UEVLD: variants seen among roughly 807,000 people sequenced by gnomAD.
UEVLD encodes ubiquitin-conjugating enzyme E2 variant 3.
Under a neutral mutation model 58.6 loss-of-function variants are expected in UEVLD, and 47 were observed. That is an observed-to-expected ratio of 0.80 (90% CI 0.63 to 1.02). The LOEUF is 1.02. Ranked by LOEUF, UEVLD falls within the 50% of genes least tolerant of loss-of-function variation. UEVLD has a pLI of 0.00. For synonymous variants in UEVLD, 197 were observed against 195.3 expected (o/e 1.01, Z -0.07); for missense variants, 510 against 550.6 (o/e 0.93, Z 0.74).
At chr11:18,576,419 G>A (rs186276175) in intron 2 of UEVLD, among the ~76,000 whole-genome samples, 22 of 152,070 alleles carry the variant, frequency 1.4e-4, no homozygotes, top group Admixed American at 5.3e-4. Flanking sequence ...CCAGCTGCTC[G>A]GGAGGCTGAG....
intron 7 of UEVLD, among the ~76,000 whole-genome samples, chr11:18,551,591 G>A (rs996505262): frequency 4.6e-5 from 7 of 152,112 alleles, no homozygotes; most frequent in African/African-American, 1.7e-4. Flanking sequence ...GTAGTACAAG[G>A]GTTAGTAAGG....
intron 9 of UEVLD, among the ~76,000 whole-genome samples, chr11:18,543,198 G>A (rs1222627137): frequency 1.3e-5 from 2 of 152,076 alleles, no homozygotes; most frequent in African/African-American, 4.8e-5. Context: ...GCCCAGAGAG[G>A]TTATTTTCTA....
intron 9 of UEVLD, among the ~76,000 whole-genome samples, chr11:18,538,305 G>C (rs1042286634): frequency 6.8e-6 from 1 of 147,862 alleles, no homozygotes; most frequent in Non-Finnish European, 1.5e-5. Flanking sequence ...TGGAGACGGA[G>C]TCTCACTGTG....
chr11:18,585,330 T>C (rs1853491966), intron 1 of UEVLD, among the ~76,000 whole-genome samples: 1 of 152,254 alleles, frequency 6.6e-6, no homozygotes, highest in Non-Finnish European at 1.5e-5. Flanking sequence ...AAGTTGTCTT[T>C]TACATTTAGG....
chr11:18,567,233 G>T (rs1261058101), intron 4 of UEVLD, among the ~76,000 whole-genome samples: 4 of 152,186 alleles, frequency 2.6e-5, no homozygotes, highest in African/African-American at 9.7e-5. Flanking sequence ...CAACCTTGAT[G>T]AAATTCACTA....
intron 6 of UEVLD, among the ~76,000 whole-genome samples, chr11:18,560,090 TACACACACACAC>T (rs71050609): frequency 1.6e-4 from 12 of 76,184 alleles, no homozygotes; most frequent in South Asian, 1.1e-3. Flanking sequence ...ACCCCGTCTC[TACACACACACAC>T]ACACACACAC....
At chr11:18,532,565 TTTC>T in intron 11 of UEVLD, 78 bp from the exon 12 acceptor site, 1 of 1,225,266 alleles carries the variant, frequency 8.2e-7, no homozygotes, top group Admixed American at 3.1e-5. Flanking sequence ...ACTTTCTTGC[TTTC>T]TTAACTAGGA....
chr11:18,579,187 C>T (rs1423227590), intron 1 of UEVLD, among the ~76,000 whole-genome samples: 2 of 152,010 alleles, frequency 1.3e-5, no homozygotes, highest in African/African-American at 4.8e-5. Context: ...ATTTAACTGA[C>T]AATTTACGGT....
chr11:18,544,876 T>A, intron 8 of UEVLD, 80 bp from the exon 9 acceptor site: 2 of 1,096,208 alleles, frequency 1.8e-6, no homozygotes, highest in Non-Finnish European at 2.5e-6. Context: ...ATTTATTATT[T>A]TAATAAGTAT....
intron 7 of UEVLD, among the ~76,000 whole-genome samples, chr11:18,552,958 A>C (rs563372942): frequency 1.3e-5 from 2 of 151,546 alleles, no homozygotes; most frequent in Non-Finnish European, 2.9e-5. Context: ...GATCGAGACC[A>C]TCCTGGCTAA....
chr11:18,566,277 A>G, intron 5 of UEVLD, 70 bp downstream of exon 5: 1 of 1,579,272 alleles, frequency 6.3e-7, no homozygotes, highest in African/African-American at 1.4e-5. Flanking sequence ...AGTGGCAGAA[A>G]GTAAAGGAGT....
At chr11:18,585,788 C>T (rs1043046907) in intron 1 of UEVLD, among the ~76,000 whole-genome samples, 8 of 152,030 alleles carry the variant, frequency 5.3e-5, no homozygotes, top group African/African-American at 1.7e-4. Flanking sequence ...CAGGTGCCCA[C>T]CACCATGCCC....
chr11:18,565,115 T>C (rs1353563982), intron 5 of UEVLD, 105 bp from the exon 6 acceptor site: 27 of 809,468 alleles, frequency 3.3e-5, no homozygotes, highest in Non-Finnish European at 4.6e-5. Context: ...AGAGAAAATA[T>C]GGTGCTAGTC....
At chr11:18,550,368 A>G (rs1319953893) in intron 7 of UEVLD, among the ~76,000 whole-genome samples, 1 of 152,038 alleles carries the variant, frequency 6.6e-6, no homozygotes, top group Non-Finnish European at 1.5e-5. Flanking sequence ...ATATCTACCT[A>G]ATTTTCCTGA....
intron 9 of UEVLD, among the ~76,000 whole-genome samples, chr11:18,538,386 A>C (rs1395208800): frequency 6.7e-6 from 1 of 148,534 alleles, no homozygotes; most frequent in Non-Finnish European, 1.5e-5. Context: ...AAGCGATTCT[A>C]TTGCCTCAGC....
At chr11:18,580,510 G>C (rs1853183355) in intron 1 of UEVLD, among the ~76,000 whole-genome samples, 1 of 151,834 alleles carries the variant, frequency 6.6e-6, no homozygotes. Context: ...TCCATAAAAT[G>C]AAATATTCAA....
intron 1 of UEVLD, among the ~76,000 whole-genome samples, chr11:18,587,040 C>T (rs1262081931): frequency 6.6e-6 from 1 of 151,920 alleles, no homozygotes; most frequent in Admixed American, 6.6e-5. Context: ...TCAAAACAAA[C>T]AGTAATAATA....
At chr11:18,560,142 G>GAA (rs1565125636) in intron 6 of UEVLD, among the ~76,000 whole-genome samples, 1 of 61,688 alleles carries the variant, frequency 1.6e-5, no homozygotes, top group African/African-American at 5.0e-5. Context: ...CACACACAGA[G>GAA]AGAGAAAGAA....
At chr11:18,543,237 T>G (rs1384239962) in intron 9 of UEVLD, among the ~76,000 whole-genome samples, 1 of 152,208 alleles carries the variant, frequency 6.6e-6, no homozygotes, top group East Asian at 1.9e-4. Context: ...AGCACTTACA[T>G]GCTGAGTGAA....
Sources: gnomAD v4.1 joint callset for allele counts (sites outside exome capture counted in the v4.1 genomes callset) on GRCh38, gnomAD v4.1.1 for gene constraint, MANE v1.5 for transcripts, NCBI Gene and HGNC (gene_info 2026-07-23, HGNC 2026-07-21) for gene names.